The following FSTL1 variants were observed in gnomAD, a reference collection of about 807,000 sequenced individuals.
The protein encoded by FSTL1 is follistatin-related protein 1.
A neutral mutation model predicts 45.9 loss-of-function variants in FSTL1; 24 were observed. The ratio of observed to expected loss-of-function variants is 0.52; its 90% CI spans 0.38 to 0.74. The LOEUF is 0.74. Ranked by LOEUF, FSTL1 falls within the 30% of genes least tolerant of loss-of-function variation. FSTL1 has a pLI of 0.00. For missense variants in FSTL1, 340 were observed against 381.8 expected (o/e 0.89, Z 0.91); for synonymous variants, 120 against 137.6 (o/e 0.87, Z 0.89).
At chr3:120,412,816 ATGTGCGCG>A (rs757676391) in intron 3 of FSTL1, among the ~76,000 whole-genome samples, 1 of 129,292 alleles carries the variant, frequency 7.7e-6, no homozygotes, top group African/African-American at 3.0e-5. Flanking sequence ...ACACACACAC[ATGTGCGCG>A]CGCGCGCGCG....
rs143374188 is a variant in FSTL1 at position 120,438,808 on chromosome 3, G to A, written c.63+11876C>T. On this transcript the variant is annotated intron_variant, in intron 2 of 10. Transcript: ENST00000295633. ...ATCTCTGGCCAGTAAATGGAGGTTC[G>A]TTTGAAGCCAGCTCACACCAGGGAT... Among the ~76,000 whole-genome samples the A allele has an allele frequency of 7.6e-4, 115 of 152,242 alleles. 1 individual carries two copies. The highest frequency in any genetic ancestry group is 6.8e-3 in the Middle Eastern group (2 of 294).
intron 9 of FSTL1, among the ~76,000 whole-genome samples, chr3:120,402,428 TA>T (rs568962329): frequency 6.6e-6 from 1 of 152,020 alleles, no homozygotes; most frequent in Non-Finnish European, 1.5e-5. Context: ...TGATTATTAT[TA>T]AATAATAATT....
At chr3:120,417,866 C>T (rs1427716627) in intron 2 of FSTL1, among the ~76,000 whole-genome samples, 1 of 152,222 alleles carries the variant, frequency 6.6e-6, no homozygotes, top group Non-Finnish European at 1.5e-5. Flanking sequence ...AATTTTCATT[C>T]TTTAAGGCTC....
chr3:120,427,453 A>T (rs1937401736), intron 2 of FSTL1, among the ~76,000 whole-genome samples: 1 of 152,206 alleles, frequency 6.6e-6, no homozygotes, highest in Non-Finnish European at 1.5e-5. Flanking sequence ...AAGCAAAAAA[A>T]GGTGGATTGA....
At chr3:120,437,931 C>T (rs577101179) in intron 2 of FSTL1, among the ~76,000 whole-genome samples, 1 of 152,198 alleles carries the variant, frequency 6.6e-6, no homozygotes, top group East Asian at 1.9e-4. Context: ...AGACCAGTGC[C>T]CATGGGCTGT....
At chr3:120,450,260 A>G (rs991861499) in intron 2 of FSTL1, among the ~76,000 whole-genome samples, 1 of 152,192 alleles carries the variant, frequency 6.6e-6, no homozygotes, top group Admixed American at 6.5e-5. Flanking sequence ...ATTTTGCCCC[A>G]AAAGAAGAAT....
intron 2 of FSTL1, among the ~76,000 whole-genome samples, chr3:120,424,864 T>C (rs914314037): frequency 2.6e-5 from 4 of 152,062 alleles, no homozygotes; most frequent in African/African-American, 7.2e-5. Flanking sequence ...GAGTCAGTTA[T>C]GGACGCGTCT....
At chr3:120,432,356 G>T (rs1369708901) in intron 2 of FSTL1, among the ~76,000 whole-genome samples, 1 of 152,106 alleles carries the variant, frequency 6.6e-6, no homozygotes, top group Admixed American at 6.5e-5. Context: ...CTGGGGGGAA[G>T]GAGCTGTAAA....
At chr3:120,444,372 T>C (rs577119911) in intron 2 of FSTL1, among the ~76,000 whole-genome samples, 10 of 149,792 alleles carry the variant, frequency 6.7e-5, no homozygotes, top group South Asian at 6.2e-4. Context: ...CTGAGTAGGA[T>C]TTTCAAACCT....
intron 2 of FSTL1, among the ~76,000 whole-genome samples, chr3:120,431,616 A>C (rs1433018603): frequency 6.6e-6 from 1 of 152,120 alleles, no homozygotes; most frequent in Non-Finnish European, 1.5e-5. Context: ...TGAGGCCAGG[A>C]GTTTGAGACC....
chr3:120,438,905 ATCC>A (rs1160655330), intron 2 of FSTL1, among the ~76,000 whole-genome samples: 1 of 152,206 alleles, frequency 6.6e-6, no homozygotes, highest in Admixed American at 6.5e-5. Flanking sequence ...AGGCAGCTGA[ATCC>A]TGACAGTCTC....
intron 2 of FSTL1, among the ~76,000 whole-genome samples, chr3:120,431,187 T>C (rs1576223306): frequency 6.6e-6 from 1 of 152,130 alleles, no homozygotes; most frequent in Non-Finnish European, 1.5e-5. Flanking sequence ...GGCCAGGCTG[T>C]TCTTGAACTC....
chr3:120,423,402 T>C (rs1937317872), intron 2 of FSTL1: 1 of 151,944 alleles, frequency 6.6e-6, no homozygotes, highest in Admixed American at 6.6e-5. Flanking sequence ...TGGTCTTGTC[T>C]AGTCATAGCA....
chr3:120,442,468 G>C (rs1483872357), intron 2 of FSTL1, among the ~76,000 whole-genome samples: 3 of 152,190 alleles, frequency 2.0e-5, no homozygotes, highest in African/African-American at 4.8e-5. Context: ...AAATGGGTTT[G>C]TTACAGAGTC....
chr3:120,396,673 C>A lies in FSTL1; in HGVS notation c.*279G>T. 1 of 422,598 alleles carries A rather than the reference C, an allele frequency of 2.4e-6. No individual in the cohort carries two copies. The highest frequency in any genetic ancestry group is 4.2e-6 in the Non-Finnish European group (1 of 235,676). The allele number at this position is 422,598 out of a possible 1,614,324, so 26.2% of individuals were successfully genotyped here. A position where few individuals can be genotyped will look rare whatever the true frequency, so the allele number is the denominator to read the frequency against. ...AAAGAGGTTCAGATTTGGGTCTGTT[C>A]CTCTTTCAATCGTGATGCAGTTTCC... On this transcript the variant is annotated 3_prime_UTR_variant, in exon 11 of 11. Transcript: ENST00000295633.
At chr3:120,400,632 T>C (rs1147696) in intron 9 of FSTL1, among the ~76,000 whole-genome samples, 64,313 of 152,088 alleles carry the variant, frequency 0.42, 14,282 homozygotes, top group Non-Finnish European at 0.49. Context: ...GGACATATCT[T>C]CCAAACATTG....
intron 9 of FSTL1, among the ~76,000 whole-genome samples, chr3:120,401,298 G>A (rs1936820609): frequency 6.6e-6 from 1 of 152,182 alleles, no homozygotes. Context: ...GGAATTTCTA[G>A]TCTCTAAACA....
chr3:120,428,406 C>G (rs1007368364), intron 2 of FSTL1, among the ~76,000 whole-genome samples: 3 of 152,116 alleles, frequency 2.0e-5, no homozygotes, highest in Non-Finnish European at 4.4e-5. Context: ...CTGGGAGACC[C>G]AGCATAGCAA....
At chr3:120,415,502 T>A (rs1231448203) in intron 3 of FSTL1, among the ~76,000 whole-genome samples, 1 of 152,190 alleles carries the variant, frequency 6.6e-6, no homozygotes, top group Non-Finnish European at 1.5e-5. Context: ...TTGCATAAAA[T>A]AGGGGGAACC....
Sources: gnomAD v4.1 joint callset for allele counts (sites outside exome capture counted in the v4.1 genomes callset) on GRCh38, gnomAD v4.1.1 for gene constraint, MANE v1.5 for transcripts, NCBI Gene and HGNC (gene_info 2026-07-23, HGNC 2026-07-21) for gene names.